The following FBP2 variants were observed in gnomAD, a reference collection of about 807,000 sequenced individuals.
FBP2 encodes fructose-1,6-bisphosphatase isozyme 2.
Under a neutral mutation model 31.6 loss-of-function variants are expected in FBP2, and 27 were observed. The observed-to-expected ratio is 0.85, with a 90% CI of 0.63 to 1.18. FBP2 has a LOEUF of 1.18. Among genes scored for constraint, FBP2 ranks in the 50% most tolerant of loss-of-function variants. The pLI, the probability that FBP2 is intolerant of heterozygous loss-of-function variation, is 0.00. For missense variants in FBP2, 421 were observed against 436.1 expected, an observed-to-expected ratio of 0.97 and a Z score of 0.31; for synonymous variants, 168 against 179.8, an observed-to-expected ratio of 0.93 and a Z score of 0.53.
rs772991961 is a variant in FBP2 at position 94,563,388 on chromosome 9, C to G, written c.779G>C (p.Gly260Ala). The G allele has an allele frequency of 2.5e-6, 4 of 1,614,112 alleles. No homozygotes were observed. Among genetic ancestry groups the G allele is most frequent in the Non-Finnish European group, 3.4e-6 (4 of 1,180,010 alleles). Residue 260 changes from glycine to alanine, a missense_variant, in exon 6 of 7, where the codon GGA (glycine) becomes GCA (alanine). Physicochemically the swap from Gly to Ala is moderately conservative, Grantham distance 60 (BLOSUM62 0). Transcript: ENST00000375337. ...GTTGGCTGGGTACAGGAAGATTCCTCCATAGACCAGGGTGCGGTGCACGTC... is the reference window on the plus strand; with the variant it reads ...GTTGGCTGGGTACAGGAAGATTCCTGCATAGACCAGGGTGCGGTGCACGTC... ...VADVHRTLVY[G>A]GIFLYPANQK...
intron 4 of FBP2, chr9:94,570,391 A>G (rs1827254879): frequency 6.6e-6 from 1 of 152,166 alleles, no homozygotes; most frequent in African/African-American, 2.4e-5. Context: ...CACTCTCTCT[A>G]CGCCTCACTT....
At chr9:94,587,173 T>C (rs866212394) in intron 2 of FBP2, 134 bp downstream of exon 2, 7 of 746,914 alleles carry the variant, frequency 9.4e-6, no homozygotes, top group Middle Eastern at 3.8e-4. Flanking sequence ...GAGAAGTATG[T>C]AATCCTTTGT....
chr9:94,559,184 C>T lies in FBP2; in HGVS notation c.826-52G>A, dbSNP rs752554250. The T allele has an allele frequency of 1.4e-4, 220 of 1,519,892 alleles. 1 individual carries two copies. The highest frequency in any genetic ancestry group is 5.5e-5 in the African/African-American group (4 of 72,720). The allele number at this position is 1,519,892 out of a possible 1,614,324, so 94.2% of individuals were successfully genotyped here. A position where few individuals can be genotyped will look rare whatever the true frequency, so the allele number is the denominator to read the frequency against. On this transcript the variant is annotated intron_variant, in intron 6 of 6. Coordinates refer to ENST00000375337, the MANE Select transcript of FBP2 (RefSeq NM_003837.4). ...AAACTCTGCAAGTGGCCAAATGTCC[C>T]GAGCCATGCCCCTAAAGCTGGGGGA...
chr9:94,579,050 C>CCAAAAAAAAAAAAAAAAAAAAAAA (rs1564185204), intron 3 of FBP2, among the ~76,000 whole-genome samples: 1 of 30,606 alleles, frequency 3.3e-5, no homozygotes, highest in African/African-American at 2.0e-4. Flanking sequence ...GAGACTCTGT[C>CCAAAAAAAAAAAAAAAAAAAAAAA]AAAAAAAAAA....
At chr9:94,562,633 A>C (rs1230959051) in intron 6 of FBP2, among the ~76,000 whole-genome samples, 1 of 152,188 alleles carries the variant, frequency 6.6e-6, no homozygotes, top group Non-Finnish European at 1.5e-5. Context: ...TGTCAGAGAA[A>C]ACAGAGGCCT....
chr9:94,579,071 G>GAAAAAAAATT (rs1564185245), intron 3 of FBP2, among the ~76,000 whole-genome samples: 1 of 87,196 alleles, frequency 1.1e-5, no homozygotes, highest in Non-Finnish European at 2.1e-5. Context: ...AAAAAAAAAG[G>GAAAAAAAATT]TTATTTTAAA....
intron 5 of FBP2, among the ~76,000 whole-genome samples, chr9:94,565,793 A>AGATAGAT (rs370309629): frequency 0.011 from 1,395 of 128,026 alleles, 27 homozygotes; most frequent in African/African-American, 0.049. Context: ...GATAGATGAT[A>AGATAGAT]GATAGGTGAG....
chr9:94,561,072 G>A (rs1827091814), intron 6 of FBP2, among the ~76,000 whole-genome samples: 1 of 152,196 alleles, frequency 6.6e-6, no homozygotes, highest in Admixed American at 6.5e-5. Context: ...TCTAGCCAAG[G>A]AGACTCTCAC....
chr9:94,589,940 C>G (rs151317343), intron 1 of FBP2, among the ~76,000 whole-genome samples: 1 of 152,264 alleles, frequency 6.6e-6, no homozygotes, highest in South Asian at 2.1e-4. Flanking sequence ...GGCCTTGGTT[C>G]GATATGGAAT....
At chr9:94,564,179 C>T (rs1028372396) in intron 5 of FBP2, among the ~76,000 whole-genome samples, 3 of 152,184 alleles carry the variant, frequency 2.0e-5, no homozygotes, top group African/African-American at 7.2e-5. Context: ...GAAAAATATA[C>T]ATTCTTCTCA....
At chr9:94,563,281 C>A in intron 6 of FBP2, 61 bp downstream of exon 6, 1 of 1,576,118 alleles carries the variant, frequency 6.3e-7, no homozygotes, top group Non-Finnish European at 8.6e-7. Context: ...GCAGGTGTGA[C>A]GGGAGGGAGC....
chr9:94,564,065 A>G (rs572011336), intron 5 of FBP2, among the ~76,000 whole-genome samples: 1 of 152,322 alleles, frequency 6.6e-6, no homozygotes, highest in Non-Finnish European at 1.5e-5. Flanking sequence ...CCTCACTGAC[A>G]GTAATCACTG....
chr9:94,569,465 CTCACCACCTGAACAGAGGCGCTCAT>C (rs1162966876), intron 4 of FBP2: 1 of 152,286 alleles, frequency 6.6e-6, no homozygotes, highest in Non-Finnish European at 1.5e-5. Context: ...GTGGCACTCA[CTCACCACCTGAACAGAGGCGCTCAT>C]TCTGCATCAG....
chr9:94,577,084 T>C (rs188176688), intron 3 of FBP2, among the ~76,000 whole-genome samples: 11 of 152,188 alleles, frequency 7.2e-5, no homozygotes, highest in Non-Finnish European at 1.6e-4. Flanking sequence ...CTTGCAAAGG[T>C]GGGAAGGGTT....
rs1410910241 is a variant in FBP2 at position 94,593,782 on chromosome 9, G to T, written c.-56C>A. On this transcript the variant is annotated 5_prime_UTR_variant, in exon 1 of 7. Coordinates refer to ENST00000375337, the MANE Select transcript of FBP2 (RefSeq NM_003837.4). Reference sequence around the variant, plus strand: ...CCGGCAGGAAACCTTGCTTACTTCTGAGGGCTGCAGCTCCGCAGTGTGGAA... The same window carrying T: ...CCGGCAGGAAACCTTGCTTACTTCTTAGGGCTGCAGCTCCGCAGTGTGGAA... 3 of 1,587,998 alleles carry T rather than the reference G, an allele frequency of 1.9e-6. No individual in the cohort carries two copies. Among genetic ancestry groups the T allele is most frequent in the Non-Finnish European group, 2.6e-6 (3 of 1,162,224 alleles).
At chr9:94,563,049 G>C (rs1190022908) in intron 6 of FBP2, among the ~76,000 whole-genome samples, 2 of 152,254 alleles carry the variant, frequency 1.3e-5, no homozygotes, top group East Asian at 3.8e-4. Context: ...GTCAGATGCA[G>C]CCTGTGGAAA....
chr9:94,588,261 G>C (rs562156997), intron 1 of FBP2, among the ~76,000 whole-genome samples: 1 of 152,140 alleles, frequency 6.6e-6, no homozygotes, highest in Non-Finnish European at 1.5e-5. Flanking sequence ...AAGGAAATGT[G>C]GGGGCAGACT....
chr9:94,562,451 T>C (rs1251638015), intron 6 of FBP2, among the ~76,000 whole-genome samples: 1 of 152,096 alleles, frequency 6.6e-6, no homozygotes, highest in East Asian at 1.9e-4. Flanking sequence ...TGAATACACC[T>C]GGGCTAAGCA....
intron 4 of FBP2, chr9:94,569,757 C>T (rs538557161): frequency 1.3e-4 from 20 of 152,320 alleles, no homozygotes; most frequent in African/African-American, 4.8e-4. Context: ...GCTTTACCCA[C>T]AATGGAGAGT....
Sources: allele counts gnomAD v4.1 joint callset (sites outside exome capture counted in the v4.1 genomes callset), GRCh38; gene constraint gnomAD v4.1.1; transcripts MANE v1.5; gene names NCBI Gene and HGNC (gene_info 2026-07-23, HGNC 2026-07-21).